The following COL11A2 variants were observed in gnomAD, a reference collection of about 807,000 sequenced individuals.
COL11A2 encodes the protein collagen alpha-2(XI) chain.
COL11A2 carries 116 observed loss-of-function variants against 273.4 expected under a neutral mutation model. That is an observed-to-expected ratio of 0.42 (90% confidence interval 0.36 to 0.49). The LOEUF (loss-of-function observed/expected upper bound fraction) is 0.49. COL11A2 is among the 20% of genes least tolerant of loss of function. COL11A2 has a pLI of 0.00. For synonymous variants in COL11A2, 782 were observed against 864.2 expected (o/e 0.90, Z 1.67); for missense variants, 1,866 against 2,309.0 (o/e 0.81, Z 3.93).
Position 33,179,860 on chromosome 6 carries a change from C to A in COL11A2, c.1360-55G>T. The A allele has an allele frequency of 6.5e-7, 1 of 1,532,232 alleles. No homozygotes were observed. The highest frequency in any genetic ancestry group is 1.7e-5 in the Admixed American group (1 of 59,912). The allele number at this position is 1,532,232 out of a possible 1,614,324, so 94.9% of individuals were successfully genotyped here. Reference sequence around the variant, plus strand: ...TCTTCCAAGAAAGCCATGGGACCCTCCCAGCCAGAGGCTTTCTCCAGCGTT... The same window carrying A: ...TCTTCCAAGAAAGCCATGGGACCCTACCAGCCAGAGGCTTTCTCCAGCGTT... On this transcript the variant is annotated intron_variant, in intron 12 of 65. Transcript: ENST00000341947. The surrounding 1 kb of genome is among the most constrained non-coding windows in gnomAD (Gnocchi z 6.4).
chr6:33,182,539 C>T (rs1158063051), intron 8 of COL11A2, among the ~76,000 whole-genome samples: 4 of 151,818 alleles, frequency 2.6e-5, no homozygotes, highest in Admixed American at 2.6e-4. Flanking sequence ...TGTGAAACCC[C>T]GTCTCTACTA....
chr6:33,171,899 A>T, intron 41 of COL11A2, 79 bp from the exon 42 acceptor site: 5 of 1,559,800 alleles, frequency 3.2e-6, no homozygotes, highest in Non-Finnish European at 4.4e-6. Context: ...CACAATTCCC[A>T]AAAGCTCCCA....
Position 33,167,660 on chromosome 6 carries a change from G to GA in COL11A2, c.4015-128dup. On this transcript the variant is annotated intron_variant, in intron 55 of 65. Coordinates refer to ENST00000341947, the MANE Select transcript of COL11A2 (RefSeq NM_080680.3). This position sits in a 1 kb window ranked among gnomAD's most constrained non-coding sequence, Gnocchi z 6.1. Reference sequence around the variant, plus strand: ...CAAACTCTAGGAGCCCCTAGCGCAGGAACAAGTACAGGGAACGCCTGTCCC... The same window carrying GA: ...CAAACTCTAGGAGCCCCTAGCGCAGGAAACAAGTACAGGGAACGCCTGTCCC... 1 of 1,457,888 alleles carries GA rather than the reference G, an allele frequency of 6.9e-7. No individual in the cohort carries two copies. The highest frequency in any genetic ancestry group is 9.5e-7 in the Non-Finnish European group (1 of 1,053,574). 90.3% of individuals were successfully genotyped at this position (1,457,888 alleles called of 1,614,324 possible). A position where few individuals can be genotyped will look rare whatever the true frequency, so the allele number is the denominator to read the frequency against.
chr6:33,187,460 T>C (rs1772571820), intron 4 of COL11A2, among the ~76,000 whole-genome samples: 1 of 152,188 alleles, frequency 6.6e-6, no homozygotes, highest in Non-Finnish European at 1.5e-5. Flanking sequence ...CCAGCAGGTA[T>C]TCAGAAAATG....
intron 31 of COL11A2, 105 bp downstream of exon 31, chr6:33,174,422 T>C: frequency 6.8e-7 from 1 of 1,477,962 alleles, no homozygotes; most frequent in Non-Finnish European, 9.3e-7. Context: ...AAATTCCCTC[T>C]GGGGTCCCCC....
chr6:33,172,745 C>T lies in COL11A2; in HGVS notation c.2791-108G>A, dbSNP rs577309739. 5.0e-6 allele frequency: 5 copies of T among 992,208 alleles called. No individual in the cohort carries two copies. In the Admixed American group the frequency reaches 7.9e-5, roughly 16 times the overall value. 61.5% of individuals were successfully genotyped at this position (992,208 alleles called of 1,614,324 possible). A position where few individuals can be genotyped will look rare whatever the true frequency, so the allele number is the denominator to read the frequency against. ...ACACTCCTTCAGAACCCCTTTATCC[C>T]TGCCCCAAAGCTCCTGGGAAATTCC... On this transcript the variant is annotated intron_variant, in intron 38 of 65. Transcript: ENST00000341947.
chr6:33,175,119 A>C (rs1347528441), intron 30 of COL11A2, among the ~76,000 whole-genome samples: 1 of 152,190 alleles, frequency 6.6e-6, no homozygotes, highest in Non-Finnish European at 1.5e-5. Flanking sequence ...TGTAATCAAC[A>C]AGCATCCCTG....
At chr6:33,184,368 G>A (rs575521869) in intron 7 of COL11A2, 44 bp from the exon 8 acceptor site, 23 of 1,314,608 alleles carry the variant, frequency 1.7e-5, no homozygotes, top group Admixed American at 1.2e-4. Context: ...GGGATGTTAG[G>A]GCTGAGAGGA....
chr6:33,166,364 G>A lies in COL11A2; in HGVS notation c.4392+149C>T. On this transcript the variant is annotated intron_variant, in intron 60 of 65. Transcript: ENST00000341947. The surrounding 1 kb of genome is among the most constrained non-coding windows in gnomAD (Gnocchi z 4.8). ...GGACATTCAGAGCCCTGGAAGTATG[G>A]GGAGGAGGTACTGGTGGTGACAGGA... 1 of 1,224,226 alleles carries A rather than the reference G, an allele frequency of 8.2e-7. No individual in the cohort carries two copies. Among genetic ancestry groups the A allele is most frequent in the East Asian group, 2.4e-5 (1 of 41,128 alleles). 75.8% of individuals were successfully genotyped at this position (1,224,226 alleles called of 1,614,324 possible). A position where few individuals can be genotyped will look rare whatever the true frequency, so the allele number is the denominator to read the frequency against.
In COL11A2 at chr6:33,176,946, G is replaced by A; in HGVS notation, c.2070+46C>T. 2 of 1,594,932 alleles carry A rather than the reference G, an allele frequency of 1.3e-6. No homozygotes were observed. Among genetic ancestry groups the A allele is most frequent in the South Asian group, 2.3e-5 (2 of 88,678 alleles). On this transcript the variant is annotated intron_variant, in intron 25 of 65. Coordinates refer to ENST00000341947, the MANE Select transcript of COL11A2 (RefSeq NM_080680.3). This position sits in a 1 kb window ranked among gnomAD's most constrained non-coding sequence, Gnocchi z 4.9. ...AGGAGCTCTGAGGTCATGCACTGGGGTGGAAGGCCAAGGGGAACTGGATTC... is the reference window on the plus strand; with the variant it reads ...AGGAGCTCTGAGGTCATGCACTGGGATGGAAGGCCAAGGGGAACTGGATTC...
Position 33,172,060 on chromosome 6 carries a change from G to C in COL11A2, c.3032C>G (p.Pro1011Arg), listed in dbSNP as rs754998680. 2 of 1,612,886 alleles carry C rather than the reference G, an allele frequency of 1.2e-6. No homozygotes were observed. Among genetic ancestry groups the C allele is most frequent in the Admixed American group, 1.7e-5 (1 of 60,000 alleles). Residue 1011 changes from proline to arginine, a missense_variant, in exon 41 of 66, where the codon CCT (proline) becomes CGT (arginine). Coordinates refer to ENST00000341947, the MANE Select transcript of COL11A2 (RefSeq NM_080680.3). ...LKGNEGPSGPPGPAGSPGERG... is the reference protein window; with the variant it reads ...LKGNEGPSGPRGPAGSPGERG... ...GAACCCCAGACTCACTGCAGGGCCA[G>C]GGGGGCCAGACGGACCTTCATTCCC...
In COL11A2 at chr6:33,177,695, G is replaced by A. The variant is rs756777612; in HGVS notation, c.1884C>T (p.Gly628=). The A allele has an allele frequency of 6.2e-7, 1 of 1,612,842 alleles. No homozygotes were observed. Among genetic ancestry groups the A allele is most frequent in the African/African-American group, 1.3e-5 (1 of 74,972 alleles). The part of the protein sequence containing the change: ...PGIPGPPGVR[G]MDGPQGPKGS... ...CTTTGGGGCCCTGGGGACCATCCAT[G>A]CCTCGGACGCCCTGAAACACAAGAT... The change falls in exon 22 of 66, where the codon GGC becomes GGT. Residue 628 remains glycine, a synonymous_variant. Coordinates refer to ENST00000341947, the MANE Select transcript of COL11A2 (RefSeq NM_080680.3). The surrounding 1 kb of genome is among the most constrained non-coding windows in gnomAD (Gnocchi z 5.9).
chr6:33,166,962 A>T lies in COL11A2; in HGVS notation c.4230+108T>A. 2 of 1,544,492 alleles carry T rather than the reference A, an allele frequency of 1.3e-6. No homozygotes were observed. The highest frequency in any genetic ancestry group is 2.3e-5 in the South Asian group (2 of 87,362). Reference sequence around the variant, plus strand: ...CCTCACTGAGCAGGGACTCCCTGGGACTGGCTGCCGGAGGCCTGAAGCAGA... The same window carrying T: ...CCTCACTGAGCAGGGACTCCCTGGGTCTGGCTGCCGGAGGCCTGAAGCAGA... On this transcript the variant is annotated intron_variant, in intron 58 of 65. Transcript: ENST00000341947. This position sits in a 1 kb window ranked among gnomAD's most constrained non-coding sequence, Gnocchi z 4.8.
rs1302382726 is a variant in COL11A2, at chr6:33,176,557, G to A, written c.2116-71C>T. Reference sequence around the variant, plus strand: ...ACTGTGGGGGCCTCCAGGGGTGGAAGAAATGGAAGTAACAACATTGCTGTC... The same window carrying A: ...ACTGTGGGGGCCTCCAGGGGTGGAAAAAATGGAAGTAACAACATTGCTGTC... On this transcript the variant is annotated intron_variant, in intron 26 of 65. Coordinates refer to ENST00000341947, the MANE Select transcript of COL11A2 (RefSeq NM_080680.3). This position sits in a 1 kb window ranked among gnomAD's most constrained non-coding sequence, Gnocchi z 4.9. 1.4e-6 allele frequency: 2 copies of A among 1,476,076 alleles called. No individual in the cohort carries two copies. The highest frequency in any genetic ancestry group is 4.5e-5 in the East Asian group (2 of 44,038). The allele number at this position is 1,476,076 out of a possible 1,614,324, so 91.4% of individuals were successfully genotyped here. A position where few individuals can be genotyped will look rare whatever the true frequency, so the allele number is the denominator to read the frequency against.
intron 5 of COL11A2, 183 bp downstream of exon 5, chr6:33,186,444 A>C: frequency 6.9e-7 from 1 of 1,444,338 alleles, no homozygotes; most frequent in Non-Finnish European, 9.1e-7. Context: ...CCAGCCACAA[A>C]TTCTTCATAA....
chr6:33,171,488 C>T lies in COL11A2; in HGVS notation c.3237G>A (p.Val1079=). 6.2e-7 allele frequency: 1 copy of T among 1,613,972 alleles called. No homozygotes were observed. Residue 1079 remains valine (V), a synonymous_variant, in exon 43 of 66, where the codon GTG becomes GTA. Coordinates refer to ENST00000341947, the MANE Select transcript of COL11A2 (RefSeq NM_080680.3). ...TCACCTTGTCTCCATCCTCTCCAGC[C>T]ACACCTGGAGGCCCAGCAGGACCAG... ...GLPGPAGPPG[V]AGEDGDKGEV...
Position 33,189,029 on chromosome 6 carries a change from G to A in COL11A2, c.392C>T (p.Pro131Leu). 1 of 1,614,210 alleles carries A rather than the reference G, an allele frequency of 6.2e-7. No homozygotes were observed. The change falls in exon 3 of 66, where the codon CCT becomes CTT. Residue 131 changes from proline to leucine, a missense_variant. By Grantham distance (98) the Pro-to-Leu change is moderately conservative (BLOSUM62 -3). Coordinates refer to ENST00000341947, the MANE Select transcript of COL11A2 (RefSeq NM_080680.3). The surrounding 1 kb of genome is among the most constrained non-coding windows in gnomAD (Gnocchi z 5.6). Reference sequence around the variant, plus strand: ...GAAGACTGGCTGAGAGGGAGGTTGAGGCCGCCCAGTCTGGTCTTCATACAG... The same window carrying A: ...GAAGACTGGCTGAGAGGGAGGTTGAAGCCGCCCAGTCTGGTCTTCATACAG... ...RFLYEDQTGRPQPPSQPVFRG... is the reference protein window; with the variant it reads ...RFLYEDQTGRLQPPSQPVFRG...
Position 33,178,546 on chromosome 6 carries a change from C to A in COL11A2, c.1720-58G>T. On this transcript the variant is annotated intron_variant, in intron 18 of 65. Transcript: ENST00000341947. The surrounding 1 kb of genome is among the most constrained non-coding windows in gnomAD (Gnocchi z 4.6). Reference sequence around the variant, plus strand: ...CAGAGCCCCCAACACAGGCAGACACCGAACCTCTGCACTTAGCCCATCCAT... The same window carrying A: ...CAGAGCCCCCAACACAGGCAGACACAGAACCTCTGCACTTAGCCCATCCAT... 6.2e-7 allele frequency: 1 copy of A among 1,610,516 alleles called. No individual in the cohort carries two copies. Among genetic ancestry groups the A allele is most frequent in the Non-Finnish European group, 8.5e-7 (1 of 1,177,888 alleles).
chr6:33,167,234 C>G lies in COL11A2; in HGVS notation c.4176+30G>C. On this transcript the variant is annotated intron_variant, in intron 57 of 65. Transcript: ENST00000341947. This position sits in a 1 kb window ranked among gnomAD's most constrained non-coding sequence, Gnocchi z 6.1. Reference sequence around the variant, plus strand: ...CTCTGTCCCAGGGCACTGCCCTCACCCCTCACTCAGCCCAATCCCAGTCAC... The same window carrying G: ...CTCTGTCCCAGGGCACTGCCCTCACGCCTCACTCAGCCCAATCCCAGTCAC... 1 of 1,614,150 alleles carries G rather than the reference C, an allele frequency of 6.2e-7. No individual in the cohort carries two copies. The highest frequency in any genetic ancestry group is 8.5e-7 in the Non-Finnish European group (1 of 1,180,004).
Sources: gnomAD v4.1 joint callset for allele counts (sites outside exome capture counted in the v4.1 genomes callset) on GRCh38, gnomAD v4.1.1 for gene constraint, Gnocchi (gnomAD v3.1) non-coding constraint, MANE v1.5 for transcripts, NCBI Gene and HGNC (gene_info 2026-07-23, HGNC 2026-07-21) for gene names.